The following ZBBX variants were observed in gnomAD, a reference collection of about 807,000 sequenced individuals.
The protein encoded by ZBBX is zinc finger B-box domain containing.
Under a neutral mutation model 108.5 loss-of-function variants are expected in ZBBX, and 101 were observed. The ratio of observed to expected loss-of-function variants is 0.93; its 90% confidence interval spans 0.79 to 1.10. ZBBX has a LOEUF of 1.10. Among genes scored for constraint, ZBBX ranks in the 50% least tolerant of loss-of-function variants. The probability of loss-of-function intolerance (pLI) is 0.00; values close to 1 mark genes in which losing one functional copy is unlikely to be tolerated. For synonymous variants in ZBBX, 356 were observed against 323.4 expected (o/e 1.10, Z -1.08); for missense variants, 1,009 against 941.4 (o/e 1.07, Z -0.94).
intron 12 of ZBBX, 49 bp downstream of exon 12, chr3:167,322,068 C>A: frequency 1.9e-6 from 2 of 1,079,202 alleles, no homozygotes; most frequent in South Asian, 3.2e-5. Flanking sequence ...AAGAAAGAAA[C>A]ATAAATAACT....
intron 11 of ZBBX, among the ~76,000 whole-genome samples, chr3:167,324,283 T>C (rs1276887399): frequency 6.6e-6 from 1 of 152,082 alleles, no homozygotes; most frequent in African/African-American, 2.4e-5. Flanking sequence ...TAGCTAGGAC[T>C]ATAGGTTCAC....
chr3:167,305,819 G>T lies in ZBBX; in HGVS notation c.1549C>A (p.Gln517Lys). The T allele has an allele frequency of 1.2e-6, 2 of 1,612,466 alleles. No individual in the cohort carries two copies. The highest frequency in any genetic ancestry group is 8.5e-7 in the Non-Finnish European group (1 of 1,179,258). ...GATACACAGGAATCATCAGACTTTTGATTACTTTCTAAACCTATATTTTTC... is the reference window on the plus strand; with the variant it reads ...GATACACAGGAATCATCAGACTTTTTATTACTTTCTAAACCTATATTTTTC... Reference protein sequence around the residue: ...KEKNIGLESNQKSDDSCVSLE... With the variant: ...KEKNIGLESNKKSDDSCVSLE... Residue 517 changes from glutamine to lysine, a missense_variant, in exon 17 of 22, where the codon CAA (glutamine) becomes AAA (lysine). Gln to Lys is a moderately conservative substitution (Grantham distance 53). Transcript: ENST00000675490.
intron 20 of ZBBX, among the ~76,000 whole-genome samples, chr3:167,279,098 T>C (rs1270806165): frequency 2.0e-5 from 3 of 150,686 alleles, no homozygotes; most frequent in Non-Finnish European, 4.5e-5. Context: ...ATGGGACATA[T>C]TTCAAAATAA....
At chr3:167,318,764 T>C (rs1735894661) in intron 12 of ZBBX, among the ~76,000 whole-genome samples, 1 of 151,966 alleles carries the variant, frequency 6.6e-6, no homozygotes, top group Non-Finnish European at 1.5e-5. Flanking sequence ...TAAAGTCATA[T>C]GGACCACAGT....
chr3:167,348,458 G>GGAAA (rs781048416), intron 9 of ZBBX, among the ~76,000 whole-genome samples: 1 of 125,972 alleles, frequency 7.9e-6, no homozygotes, highest in Non-Finnish European at 1.7e-5. Context: ...GAGAGAAAGA[G>GGAAA]GAAAGAAAGA....
At chr3:167,306,048 CAAT>C in intron 16 of ZBBX, 98 bp from the exon 17 acceptor site, 1 of 958,458 alleles carries the variant, frequency 1.0e-6, no homozygotes, top group Non-Finnish European at 1.5e-6. Context: ...AAAACTTTCT[CAAT>C]AAACACTATT....
chr3:167,226,089 A>C, the ZBBX span, among the ~76,000 whole-genome samples: 34 of 151,574 alleles, frequency 2.2e-4, no homozygotes, highest in African/African-American at 8.0e-4. Flanking sequence ...GATTAAAAAA[A>C]AAAAAAGAAA....
chr3:167,201,641 G>A, the ZBBX span, among the ~76,000 whole-genome samples: 89,448 of 151,900 alleles, frequency 0.59, 26,568 homozygotes, highest in East Asian at 0.82. Flanking sequence ...AACTTTTCAT[G>A]TAAATCACCA....
chr3:167,236,860 T>C (rs186967159), downstream of ZBBX, among the ~76,000 whole-genome samples: 364 of 151,872 alleles, frequency 2.4e-3, 2 homozygotes, highest in African/African-American at 7.4e-3. Context: ...TTATAAGTTT[T>C]ATGAAGCAAA....
At chr3:167,250,405 G>A (rs2108354949) in intron 20 of ZBBX, among the ~76,000 whole-genome samples, 1 of 152,202 alleles carries the variant, frequency 6.6e-6, no homozygotes, top group Middle Eastern at 3.4e-3. Context: ...CTTTCACCAG[G>A]GTGAAACAGC....
chr3:167,279,696 C>T (rs940788339), intron 20 of ZBBX, among the ~76,000 whole-genome samples: 1 of 151,832 alleles, frequency 6.6e-6, no homozygotes, highest in African/African-American at 2.4e-5. Flanking sequence ...AGATTCAATG[C>T]CATCCCCATC....
chr3:167,259,136 T>C (rs1724025447), intron 20 of ZBBX, among the ~76,000 whole-genome samples: 1 of 152,154 alleles, frequency 6.6e-6, no homozygotes, highest in Admixed American at 6.5e-5. Flanking sequence ...TAAATTACCA[T>C]TTCAATCTCA....
chr3:167,309,413 G>A (rs1734207348), intron 16 of ZBBX, among the ~76,000 whole-genome samples: 3 of 152,194 alleles, frequency 2.0e-5, no homozygotes, highest in Non-Finnish European at 4.4e-5. Flanking sequence ...TCTAGTAGAG[G>A]TTCTCCATGA....
chr3:167,323,238 A>AC (rs1553815492), intron 11 of ZBBX, among the ~76,000 whole-genome samples: 1 of 30,492 alleles, frequency 3.3e-5, no homozygotes, highest in Non-Finnish European at 5.6e-5. Context: ...GAGCTAAAAG[A>AC]GGGGGGGGGG....
chr3:167,228,645 G>A, the ZBBX span, among the ~76,000 whole-genome samples: 597 of 151,842 alleles, frequency 3.9e-3, 2 homozygotes, highest in African/African-American at 0.014. Context: ...TGTGTAGTTC[G>A]AAAAGCATTG....
intron 20 of ZBBX, among the ~76,000 whole-genome samples, chr3:167,271,773 A>G (rs1441997213): frequency 6.6e-6 from 1 of 152,232 alleles, no homozygotes; most frequent in Non-Finnish European, 1.5e-5. Context: ...AAGTATTCAG[A>G]GTGACTACAC....
chr3:167,233,874 T>C, the ZBBX span, among the ~76,000 whole-genome samples: 1 of 151,772 alleles, frequency 6.6e-6, no homozygotes, highest in Non-Finnish European at 1.5e-5. Context: ...AATTCCAGGA[T>C]AACAGCCTGA....
rs1049749341 is a variant in ZBBX at position 167,317,667 on chromosome 3, G to A, written c.984-70C>T. 24 of 986,322 alleles carry A rather than the reference G, an allele frequency of 2.4e-5. No individual in the cohort carries two copies. The African/African-American group carries it at 3.7e-4, about 15-fold the overall frequency. The allele number at this position is 986,322 out of a possible 1,614,324, so 61.1% of individuals were successfully genotyped here. ...CTGAAACTTTCCCAGACAAGCTCTTGATTTATTTATCAAATGAATGAGTAT... is the reference window on the plus strand; with the variant it reads ...CTGAAACTTTCCCAGACAAGCTCTTAATTTATTTATCAAATGAATGAGTAT... On this transcript the variant is annotated intron_variant, in intron 12 of 21. Coordinates refer to ENST00000675490, the MANE Select transcript of ZBBX (RefSeq NM_001199201.2).
chr3:167,264,266 G>C (rs1285819503), intron 20 of ZBBX, among the ~76,000 whole-genome samples: 3 of 152,088 alleles, frequency 2.0e-5, no homozygotes, highest in Non-Finnish European at 4.4e-5. Context: ...TGGTTGTTTT[G>C]TAGTCTTCTC....
Sources: allele counts gnomAD v4.1 joint callset (sites outside exome capture counted in the v4.1 genomes callset), GRCh38; gene constraint gnomAD v4.1.1; transcripts MANE v1.5; gene names NCBI Gene and HGNC (gene_info 2026-07-23, HGNC 2026-07-21).